Variants in LINGO2 observed in about 807,000 individuals in gnomAD.
LINGO2 encodes the protein leucine rich repeat and Ig domain containing 2, also known as leucine-rich repeat and immunoglobulin-like domain-containing nogo receptor-interacting protein 2.
Under a neutral mutation model 30.6 loss-of-function variants are expected in LINGO2, and 14 were observed. That is an observed-to-expected ratio of 0.46 (90% CI 0.30 to 0.72). The LOEUF is 0.72. Ranked by LOEUF, LINGO2 falls within the 30% of genes least tolerant of loss-of-function variation. The probability of loss-of-function intolerance (pLI) is 0.07; values close to 1 mark genes in which losing one functional copy is unlikely to be tolerated. For synonymous variants in LINGO2, 317 were observed against 288.5 expected (o/e 1.10, Z -1.00); for missense variants, 729 against 751.7 (o/e 0.97, Z 0.35).
chr9:28,005,697 A>C (rs1294466874), intron 5 of LINGO2, among the ~76,000 whole-genome samples: 1 of 152,062 alleles, frequency 6.6e-6, no homozygotes, highest in Admixed American at 6.6e-5. Context: ...CCGATGAGGG[A>C]AGTAAAAATG....
At chr9:28,959,610 C>CTCTCTCTCT in the LINGO2 span, among the ~76,000 whole-genome samples, 1,508 of 141,616 alleles carry the variant, frequency 0.011, 33 homozygotes, top group African/African-American at 0.039. Context: ...TCTCTCTCTC[C>CTCTCTCTCT]CTCACACACA....
At chr9:27,983,039 A>G (rs1820956916) in intron 5 of LINGO2, among the ~76,000 whole-genome samples, 1 of 151,734 alleles carries the variant, frequency 6.6e-6, no homozygotes, top group Non-Finnish European at 1.5e-5. Context: ...ACATAAAAAC[A>G]TATAATATGG....
intron 4 of LINGO2, among the ~76,000 whole-genome samples, chr9:28,239,847 C>T (rs1450148074): frequency 6.6e-6 from 1 of 152,056 alleles, no homozygotes; most frequent in Non-Finnish European, 1.5e-5. Flanking sequence ...TCAAATTATC[C>T]TTCTTTGCAG....
At chr9:28,293,975 G>A (rs1478370718) in intron 4 of LINGO2, among the ~76,000 whole-genome samples, 1 of 152,032 alleles carries the variant, frequency 6.6e-6, no homozygotes, top group Non-Finnish European at 1.5e-5. Flanking sequence ...AATCCACTTT[G>A]CCACTAAGCA....
chr9:28,537,773 GA>G (rs1406777959), intron 1 of LINGO2, among the ~76,000 whole-genome samples: 1 of 151,324 alleles, frequency 6.6e-6, no homozygotes, highest in African/African-American at 2.4e-5. Flanking sequence ...GAGAATAGGG[GA>G]AAAGAGGCAA....
At chr9:28,742,207 G>C in the LINGO2 span, among the ~76,000 whole-genome samples, 1 of 151,162 alleles carries the variant, frequency 6.6e-6, no homozygotes, top group Non-Finnish European at 1.5e-5. Flanking sequence ...TTTTCATGCT[G>C]TCCTGCCTGG....
At chr9:27,978,174 C>G (rs1436671386) in intron 5 of LINGO2, among the ~76,000 whole-genome samples, 3 of 152,048 alleles carry the variant, frequency 2.0e-5, no homozygotes, top group Non-Finnish European at 4.4e-5. Context: ...AGCTTTGGCG[C>G]TGATCCTATC....
At chr9:28,545,665 G>T (rs903281186) in intron 1 of LINGO2, among the ~76,000 whole-genome samples, 10 of 151,826 alleles carry the variant, frequency 6.6e-5, no homozygotes, top group Non-Finnish European at 1.5e-4. Flanking sequence ...AAGAGGGGGG[G>T]AACTTTTAGT....
chr9:28,286,828 A>T lies in LINGO2; in HGVS notation c.-87+8380T>A, dbSNP rs572045475. 9.2e-5 allele frequency among the ~76,000 whole-genome samples: 14 copies of T among 152,218 alleles called. No individual in the cohort carries two copies. The South Asian group carries it at 2.7e-3, about 29-fold the overall frequency. On this transcript the variant is annotated intron_variant, in intron 4 of 5. Transcript: ENST00000379992. ...CTTTCAGAAGGTAGAGGGTGGGAGG[A>T]GGGAGAGGATCAGGAAAAACAACTA...
chr9:28,128,303 T>A (rs1827294341), intron 4 of LINGO2, among the ~76,000 whole-genome samples: 1 of 152,170 alleles, frequency 6.6e-6, no homozygotes, highest in South Asian at 2.1e-4. Context: ...AACTGGAGCT[T>A]CCCCTGGGTG....
chr9:28,237,292 CA>C (rs1324530556), intron 4 of LINGO2, among the ~76,000 whole-genome samples: 5 of 150,952 alleles, frequency 3.3e-5, no homozygotes, highest in South Asian at 2.1e-4. Flanking sequence ...GATATACACA[CA>C]AAAAATTTTC....
chr9:28,277,653 C>A (rs1823164662), intron 4 of LINGO2, among the ~76,000 whole-genome samples: 1 of 151,514 alleles, frequency 6.6e-6, no homozygotes, highest in Non-Finnish European at 1.5e-5. Flanking sequence ...AAAACACACA[C>A]AAAAAATTAG....
At chr9:28,455,288 T>C (rs2135092705) in intron 2 of LINGO2, among the ~76,000 whole-genome samples, 1 of 152,196 alleles carries the variant, frequency 6.6e-6, no homozygotes, top group Non-Finnish European at 1.5e-5. Context: ...TATACTAGAT[T>C]ATTAAAATAG....
chr9:29,047,221 C>G, the LINGO2 span, among the ~76,000 whole-genome samples: 1 of 151,738 alleles, frequency 6.6e-6, no homozygotes, highest in Non-Finnish European at 1.5e-5. Flanking sequence ...AGAAAAACAA[C>G]CCCATTAAAA....
At chr9:28,795,685 C>T in the LINGO2 span, among the ~76,000 whole-genome samples, 1 of 151,880 alleles carries the variant, frequency 6.6e-6, no homozygotes, top group Non-Finnish European at 1.5e-5. Flanking sequence ...TATTGTGGAA[C>T]ATGTTAATTC....
At chr9:28,484,713 T>C (rs1254452690) in intron 1 of LINGO2, among the ~76,000 whole-genome samples, 2 of 152,114 alleles carry the variant, frequency 1.3e-5, no homozygotes, top group Non-Finnish European at 2.9e-5. Flanking sequence ...TTGTGACTAG[T>C]GACAAGGTCT....
chr9:28,366,646 A>G (rs1184657245), intron 3 of LINGO2, among the ~76,000 whole-genome samples: 3 of 152,066 alleles, frequency 2.0e-5, no homozygotes, highest in African/African-American at 7.2e-5. Flanking sequence ...AAAGCAAAAG[A>G]AAATACAACA....
intron 2 of LINGO2, among the ~76,000 whole-genome samples, chr9:28,386,570 C>T (rs902197178): frequency 6.6e-6 from 1 of 151,894 alleles, no homozygotes; most frequent in Non-Finnish European, 1.5e-5. Context: ...TTAAAAAAAC[C>T]ACAATATCTT....
At chr9:28,906,109 C>T in the LINGO2 span, among the ~76,000 whole-genome samples, 2 of 151,776 alleles carry the variant, frequency 1.3e-5, no homozygotes, top group African/African-American at 4.8e-5. Flanking sequence ...AAACATGGAA[C>T]TCATAGAAGC....
Sources: gnomAD v4.1 joint callset for allele counts (sites outside exome capture counted in the v4.1 genomes callset) on GRCh38, gnomAD v4.1.1 for gene constraint, MANE v1.5 for transcripts, NCBI Gene and HGNC (gene_info 2026-07-23, HGNC 2026-07-21) for gene names.